Variants in AGPS observed in about 807,000 individuals in gnomAD.
AGPS encodes the protein alkylglycerone phosphate synthase, also known as alkyldihydroxyacetonephosphate synthase, peroxisomal.
Under a neutral mutation model 90.7 loss-of-function variants are expected in AGPS, and 26 were observed. The ratio of observed to expected loss-of-function variants is 0.29; its 90% CI spans 0.21 to 0.40. The LOEUF (loss-of-function observed/expected upper bound fraction) is 0.40. Ranked by LOEUF, AGPS falls within the 10% of genes least tolerant of loss-of-function variation. AGPS has a pLI of 1.00. For synonymous variants in AGPS, 294 were observed against 285.3 expected (o/e 1.03, Z -0.31); for missense variants, 540 against 816.1 (o/e 0.66, Z 4.12).
At chr2:177,438,010 C>G (rs1036076603) in intron 5 of AGPS, among the ~76,000 whole-genome samples, 2 of 152,206 alleles carry the variant, frequency 1.3e-5, no homozygotes, top group African/African-American at 4.8e-5. Flanking sequence ...GAAATTTTAA[C>G]TGTTCCTGAG....
At chr2:177,531,354 A>T (rs2079135459) in intron 19 of AGPS, among the ~76,000 whole-genome samples, 1 of 152,200 alleles carries the variant, frequency 6.6e-6, no homozygotes, top group Non-Finnish European at 1.5e-5. Flanking sequence ...AATACTAACA[A>T]TTAAGCATAT....
chr2:177,465,889 T>C (rs1382440847), intron 9 of AGPS, among the ~76,000 whole-genome samples: 1 of 152,268 alleles, frequency 6.6e-6, no homozygotes, highest in East Asian at 1.9e-4. Context: ...GTTTCAGCCC[T>C]GTTTGTGTTA....
chr2:177,427,863 G>T (rs960668819), intron 2 of AGPS, among the ~76,000 whole-genome samples: 5 of 152,128 alleles, frequency 3.3e-5, no homozygotes, highest in African/African-American at 1.2e-4. Flanking sequence ...CCAAAGCTGA[G>T]TTCAGGTTTT....
At chr2:177,408,563 C>G (rs1250679460) in intron 1 of AGPS, among the ~76,000 whole-genome samples, 1 of 152,102 alleles carries the variant, frequency 6.6e-6, no homozygotes, top group Non-Finnish European at 1.5e-5. Context: ...GTCATGTAAT[C>G]ATATTTCCAT....
At chr2:177,400,536 A>G (rs1685304278) in intron 1 of AGPS, among the ~76,000 whole-genome samples, 1 of 152,226 alleles carries the variant, frequency 6.6e-6, no homozygotes, top group African/African-American at 2.4e-5. Context: ...CTATTCCAGT[A>G]ACTGCAGTTA....
chr2:177,471,805 T>A (rs1687631648), intron 10 of AGPS, among the ~76,000 whole-genome samples: 1 of 152,174 alleles, frequency 6.6e-6, no homozygotes, highest in Non-Finnish European at 1.5e-5. Flanking sequence ...ACAGCTTGAG[T>A]GAATATACCT....
intron 1 of AGPS, among the ~76,000 whole-genome samples, chr2:177,419,356 T>C (rs1416562118): frequency 6.6e-6 from 1 of 151,922 alleles, no homozygotes; most frequent in Non-Finnish European, 1.5e-5. Context: ...TGTTAAGTTA[T>C]TTGCACCATA....
At position 177,442,432 on chromosome 2, in the gene AGPS, G is replaced by C; in HGVS notation, c.735G>C (p.Leu245=). 1.2e-6 allele frequency: 2 copies of C among 1,613,826 alleles called. No individual in the cohort carries two copies. Among genetic ancestry groups the C allele is most frequent in the Non-Finnish European group, 1.7e-6 (2 of 1,179,754 alleles). The part of the protein sequence containing the change: ...IGGGTSVSYG[L]MCPADETRTI... The stretch of plus-strand genomic sequence containing the variant: ...GAGGAACAAGTGTTTCATATGGCCT[G>C]ATGTGTCCTGCAGATGAGACAAGAA... Residue 245 remains leucine (L), a synonymous_variant, in exon 7 of 20, where the codon CTG becomes CTC. Transcript: ENST00000264167.
intron 19 of AGPS, among the ~76,000 whole-genome samples, chr2:177,534,118 T>G (rs965803730): frequency 3.9e-5 from 6 of 152,222 alleles, no homozygotes; most frequent in African/African-American, 1.4e-4. Flanking sequence ...ACGCTGGATT[T>G]ATCCCTTTTA....
intron 1 of AGPS, among the ~76,000 whole-genome samples, chr2:177,417,980 A>G (rs1338125306): frequency 6.6e-6 from 1 of 152,156 alleles, no homozygotes; most frequent in Non-Finnish European, 1.5e-5. Flanking sequence ...GTACTTGAAG[A>G]TATCAGAAGA....
chr2:177,484,588 C>T (rs1178289540), intron 11 of AGPS, among the ~76,000 whole-genome samples: 2 of 151,954 alleles, frequency 1.3e-5, no homozygotes, highest in Admixed American at 6.6e-5. Flanking sequence ...TCAGGTGATC[C>T]GCCCGCCCCG....
At chr2:177,497,839 C>G in intron 13 of AGPS, 74 bp downstream of exon 13, 1 of 759,372 alleles carries the variant, frequency 1.3e-6, no homozygotes, top group South Asian at 1.8e-5. Context: ...CCACATGCAC[C>G]TATTGTAAGG....
intron 19 of AGPS, among the ~76,000 whole-genome samples, chr2:177,529,373 G>A (rs1275940056): frequency 2.0e-5 from 3 of 152,152 alleles, no homozygotes; most frequent in Non-Finnish European, 4.4e-5. Context: ...GGGAAGCTGG[G>A]GCGGGAAGAT....
rs1688495619 is a variant in AGPS, at chr2:177,499,516, G to T, written c.1363-102G>T. The T allele has an allele frequency of 9.7e-6, 7 of 721,380 alleles. No homozygotes were observed. In the Admixed American group the frequency reaches 1.8e-4, roughly 18 times the overall value. 44.7% of individuals were successfully genotyped at this position (721,380 alleles called of 1,614,324 possible). On this transcript the variant is annotated intron_variant, in intron 13 of 19. Coordinates refer to ENST00000264167, the MANE Select transcript of AGPS (RefSeq NM_003659.4). ...AAAGCTCAATTTTTAAGAAATCAGT[G>T]TATTTGAGCCCAGATCAGAAGGAAA...
chr2:177,534,754 T>TTTTTTATTTTTTTA (rs993688698), intron 19 of AGPS, among the ~76,000 whole-genome samples: 2 of 151,494 alleles, frequency 1.3e-5, no homozygotes, highest in Admixed American at 1.3e-4. Flanking sequence ...ATCCAGCTTA[T>TTTTTTATTTTTTTA]TTTTTATTTT....
chr2:177,503,019 TTTTA>T (rs1376525202), intron 14 of AGPS, among the ~76,000 whole-genome samples: 1 of 152,198 alleles, frequency 6.6e-6, no homozygotes, highest in Non-Finnish European at 1.5e-5. Context: ...ATCCCTTTTT[TTTTA>T]TTTGTTTATG....
chr2:177,405,660 G>A (rs186821123), intron 1 of AGPS, among the ~76,000 whole-genome samples: 158 of 137,662 alleles, frequency 1.1e-3, no homozygotes, highest in African/African-American at 4.0e-3. Context: ...CCATGTTATT[G>A]CACTATTCTG....
intron 1 of AGPS, among the ~76,000 whole-genome samples, chr2:177,406,009 A>G (rs1685457798): frequency 6.6e-6 from 1 of 152,100 alleles, no homozygotes; most frequent in East Asian, 1.9e-4. Flanking sequence ...CACTTCCGCC[A>G]TTATTTAGAT....
chr2:177,435,459 G>A (rs996130010), intron 3 of AGPS, among the ~76,000 whole-genome samples: 5 of 151,948 alleles, frequency 3.3e-5, no homozygotes, highest in African/African-American at 9.7e-5. Flanking sequence ...ACTATAGTTA[G>A]AAATTTCACC....
Sources: allele counts gnomAD v4.1 joint callset (sites outside exome capture counted in the v4.1 genomes callset), GRCh38; gene constraint gnomAD v4.1.1; transcripts MANE v1.5; gene names NCBI Gene and HGNC (gene_info 2026-07-23, HGNC 2026-07-21).